The following NCAM2 variants were observed in gnomAD, a reference collection of about 807,000 sequenced individuals.
NCAM2 encodes N-CAM-2.
A neutral mutation model predicts 98.1 loss-of-function variants in NCAM2; 30 were observed. The observed-to-expected ratio is 0.31, with a 90% CI of 0.23 to 0.41. The LOEUF is 0.41. Ranked by LOEUF, NCAM2 falls within the 10% of genes least tolerant of loss-of-function variation. The pLI, the probability that NCAM2 is intolerant of heterozygous loss-of-function variation, is 1.00. For synonymous variants in NCAM2, 368 were observed against 342.4 expected (o/e 1.07, Z -0.83); for missense variants, 867 against 1,005.8 (o/e 0.86, Z 1.87).
At chr21:21,325,039 T>A (rs2074477860) in intron 6 of NCAM2, among the ~76,000 whole-genome samples, 1 of 152,110 alleles carries the variant, frequency 6.6e-6, no homozygotes, top group African/African-American at 2.4e-5. Context: ...GATAGTTTAT[T>A]TTTTTAGAAT....
intron 1 of NCAM2, among the ~76,000 whole-genome samples, chr21:21,101,146 T>C (rs1388133403): frequency 1.3e-5 from 2 of 152,042 alleles, no homozygotes; most frequent in African/African-American, 4.8e-5. Flanking sequence ...TGTTTTCATG[T>C]GCATTACCTA....
At chr21:21,201,599 A>T (rs1253806481) in intron 1 of NCAM2, among the ~76,000 whole-genome samples, 1 of 152,218 alleles carries the variant, frequency 6.6e-6, no homozygotes, top group African/African-American at 2.4e-5. Context: ...TATTCACTAG[A>T]TGGATATCTC....
chr21:21,162,113 G>A (rs1440392001), intron 1 of NCAM2, among the ~76,000 whole-genome samples: 2 of 151,966 alleles, frequency 1.3e-5, no homozygotes, highest in Non-Finnish European at 2.9e-5. Context: ...TTATTACTTT[G>A]TTGATATTCC....
At chr21:21,271,663 C>T (rs969427770) in intron 1 of NCAM2, among the ~76,000 whole-genome samples, 8 of 152,078 alleles carry the variant, frequency 5.3e-5, no homozygotes, top group Non-Finnish European at 1.0e-4. Context: ...ATTTGGAGTA[C>T]TCATGTATGA....
intron 5 of NCAM2, among the ~76,000 whole-genome samples, chr21:21,304,711 C>G (rs1332653523): frequency 1.3e-5 from 2 of 152,074 alleles, no homozygotes; most frequent in African/African-American, 4.8e-5. Flanking sequence ...AGCTATAGAT[C>G]ACTTTGAGAA....
chr21:21,223,793 T>G (rs753953724), intron 1 of NCAM2: 17 of 152,172 alleles, frequency 1.1e-4, no homozygotes, highest in Non-Finnish European at 2.5e-4. Flanking sequence ...AAGTCAATGC[T>G]TTATCTCAAA....
intron 9 of NCAM2, 44 bp from the exon 10 acceptor site, chr21:21,410,230 C>G (rs2076828668): frequency 9.3e-7 from 1 of 1,080,810 alleles, no homozygotes; most frequent in South Asian, 2.5e-5. Flanking sequence ...GATTATTTAA[C>G]TTAAAGAAAA....
At chr21:21,172,644 T>C (rs2068161158) in intron 1 of NCAM2, among the ~76,000 whole-genome samples, 1 of 152,140 alleles carries the variant, frequency 6.6e-6, no homozygotes, top group Non-Finnish European at 1.5e-5. Flanking sequence ...TTTAACTGGA[T>C]AAAGTGTTTT....
At chr21:21,195,173 T>G (rs2068961364) in intron 1 of NCAM2, among the ~76,000 whole-genome samples, 1 of 152,154 alleles carries the variant, frequency 6.6e-6, no homozygotes, top group Non-Finnish European at 1.5e-5. Flanking sequence ...ATTGCTATAT[T>G]TTGGTAGGAA....
chr21:21,140,032 C>T (rs1353530800), intron 1 of NCAM2, among the ~76,000 whole-genome samples: 4 of 152,154 alleles, frequency 2.6e-5, no homozygotes, highest in African/African-American at 9.7e-5. Flanking sequence ...ATCAAATTGT[C>T]ATGGTGGGTT....
At chr21:21,421,614 C>T (rs2077112629) in intron 11 of NCAM2, among the ~76,000 whole-genome samples, 1 of 152,100 alleles carries the variant, frequency 6.6e-6, no homozygotes, top group Non-Finnish European at 1.5e-5. Flanking sequence ...AGAAAACAAT[C>T]TGTCCTGCAG....
chr21:21,071,635 A>G lies in NCAM2; in HGVS notation c.55+73017A>G, dbSNP rs28552624. ...AATTGAAAAATAAAGTTAGAAGTGA[A>G]AATAATTTATGCCATCCGTCATAAT... On this transcript the variant is annotated intron_variant, in intron 1 of 17. Coordinates refer to ENST00000400546, the MANE Select transcript of NCAM2 (RefSeq NM_004540.5). 9.7e-3 allele frequency among the ~76,000 whole-genome samples: 1,480 copies of G among 152,296 alleles called. 28 individuals carry two copies. The highest frequency in any genetic ancestry group is 0.033 in the African/African-American group (1,384 of 41,558).
intron 16 of NCAM2, among the ~76,000 whole-genome samples, chr21:21,522,829 G>T (rs1024431118): frequency 6.6e-6 from 1 of 151,476 alleles, no homozygotes; most frequent in African/African-American, 2.4e-5. Flanking sequence ...GCGGGGTTTC[G>T]CCATGCTGGC....
At chr21:21,224,932 C>T (rs1473970803) in intron 1 of NCAM2, among the ~76,000 whole-genome samples, 1 of 152,170 alleles carries the variant, frequency 6.6e-6, no homozygotes, top group Middle Eastern at 3.4e-3. Flanking sequence ...AATGTTGGCT[C>T]CTTTCCAAAT....
intron 5 of NCAM2, among the ~76,000 whole-genome samples, chr21:21,305,737 AT>A (rs1568912613): frequency 6.6e-6 from 1 of 151,760 alleles, no homozygotes; most frequent in African/African-American, 2.4e-5. Flanking sequence ...TCCTTTTCCT[AT>A]TTTATCAGCG....
chr21:21,065,789 A>G (rs1226039285), intron 1 of NCAM2, among the ~76,000 whole-genome samples: 1 of 152,166 alleles, frequency 6.6e-6, no homozygotes, highest in Non-Finnish European at 1.5e-5. Flanking sequence ...ATCCTTAGCC[A>G]TTTACAAAAC....
At chr21:21,218,914 A>C (rs1344482526) in intron 1 of NCAM2, among the ~76,000 whole-genome samples, 11 of 152,186 alleles carry the variant, frequency 7.2e-5, no homozygotes. Flanking sequence ...GTGGTGGCAC[A>C]TGCCTGTAAT....
At chr21:21,472,827 A>T (rs1024691031) in intron 14 of NCAM2, among the ~76,000 whole-genome samples, 4 of 151,868 alleles carry the variant, frequency 2.6e-5, no homozygotes, top group African/African-American at 4.8e-5. Context: ...GCCTAATTTT[A>T]AAAAAGTTTA....
At chr21:21,516,901 CTCCTCAGTTCTCTT>C (rs1602542147) in intron 16 of NCAM2, among the ~76,000 whole-genome samples, 1 of 152,106 alleles carries the variant, frequency 6.6e-6, no homozygotes, top group East Asian at 1.9e-4. Context: ...TCTGTGTTTC[CTCCTCAGTTCTCTT>C]TCTTTATGTA....
Sources: gnomAD v4.1 joint callset for allele counts (sites outside exome capture counted in the v4.1 genomes callset) on GRCh38, gnomAD v4.1.1 for gene constraint, MANE v1.5 for transcripts, NCBI Gene and HGNC (gene_info 2026-07-23, HGNC 2026-07-21) for gene names.